KCNK9: variants seen among roughly 807,000 people sequenced by gnomAD.
The protein encoded by KCNK9 is potassium channel subfamily K member 9.
KCNK9 carries 1 observed loss-of-function variant against 10.8 expected under a neutral mutation model. That is an observed-to-expected ratio of 0.09 (90% CI 0.03 to 0.44). The LOEUF (loss-of-function observed/expected upper bound fraction) is 0.44. KCNK9 is among the 20% of genes least tolerant of loss of function. The probability of loss-of-function intolerance (pLI) is 0.97; values close to 1 mark genes in which losing one functional copy is unlikely to be tolerated. For synonymous variants in KCNK9, 231 were observed against 222.7 expected (o/e 1.04, Z -0.33); for missense variants, 303 against 515.0 (o/e 0.59, Z 3.98).
At chr8:139,605,657 A>G (rs1415906811) in intron 2 of KCNK9, among the ~76,000 whole-genome samples, 2 of 152,212 alleles carry the variant, frequency 1.3e-5, no homozygotes, top group East Asian at 1.9e-4. Flanking sequence ...ATTTTAATGG[A>G]AAAAAATTAG....
chr8:139,650,131 C>T (rs1228863181), intron 1 of KCNK9, among the ~76,000 whole-genome samples: 2 of 152,200 alleles, frequency 1.3e-5, no homozygotes, highest in Non-Finnish European at 2.9e-5. Context: ...TGGCTCAAAA[C>T]TCTCCTGGGG....
intron 1 of KCNK9, among the ~76,000 whole-genome samples, chr8:139,700,546 A>ACACACACACACGCGCG (rs1817192367): frequency 8.2e-6 from 1 of 122,434 alleles, no homozygotes; most frequent in South Asian, 2.4e-4. Flanking sequence ...ACACGCGCGC[A>ACACACACACACGCGCG]CACACACACA....
chr8:139,644,723 C>CG (rs373634103), intron 1 of KCNK9, among the ~76,000 whole-genome samples: 104 of 150,366 alleles, frequency 6.9e-4, no homozygotes, highest in Middle Eastern at 3.5e-3. Flanking sequence ...TGTCCCCCCC[C>CG]CCCAGAGCCT....
At chr8:139,679,113 T>A (rs918054344) in intron 1 of KCNK9, among the ~76,000 whole-genome samples, 1 of 152,196 alleles carries the variant, frequency 6.6e-6, no homozygotes, top group East Asian at 1.9e-4. Flanking sequence ...TCTTCCTCAC[T>A]AAGAGAACCC....
intron 1 of KCNK9, among the ~76,000 whole-genome samples, chr8:139,678,797 C>A (rs957309352): frequency 1.3e-5 from 2 of 152,250 alleles, no homozygotes. Context: ...CATTCTCAGA[C>A]CAAGGTCCTA....
At chr8:139,655,857 G>T (rs1816007258) in intron 1 of KCNK9, among the ~76,000 whole-genome samples, 1 of 152,154 alleles carries the variant, frequency 6.6e-6, no homozygotes, top group Non-Finnish European at 1.5e-5. Flanking sequence ...GAGAACTTCT[G>T]CCTACAGCGA....
chr8:139,628,779 T>C lies in KCNK9; in HGVS notation c.284-9680A>G, dbSNP rs190709379. ...ATATAAAATATATTTCTAAAACATA[T>C]GAACTTGCAAAGCACAAATTTCCAA... On this transcript the variant is annotated intron_variant, in intron 1 of 1. Transcript: ENST00000520439. Among the ~76,000 whole-genome samples, 344 of 152,368 alleles carry C rather than the reference T, an allele frequency of 2.3e-3. 1 individual carries two copies. Among genetic ancestry groups the C allele is most frequent in the African/African-American group, 7.6e-3 (315 of 41,582 alleles).
intron 1 of KCNK9, among the ~76,000 whole-genome samples, chr8:139,701,393 C>A (rs372174743): frequency 6.6e-6 from 1 of 152,194 alleles, no homozygotes; most frequent in South Asian, 2.1e-4. Flanking sequence ...AAAGACAGGC[C>A]GTCCTGTGCT....
intron 1 of KCNK9, among the ~76,000 whole-genome samples, chr8:139,674,863 C>T (rs1816514162): frequency 6.6e-6 from 1 of 152,176 alleles, no homozygotes; most frequent in Admixed American, 6.5e-5. Flanking sequence ...CACCTAGAGG[C>T]CAAGTTCCCC....
chr8:139,670,884 T>C (rs77470541), intron 1 of KCNK9, among the ~76,000 whole-genome samples: 5,940 of 152,272 alleles, frequency 0.039, 234 homozygotes, highest in African/African-American at 0.1. Flanking sequence ...TCTGCAGCTC[T>C]AGGATTTGAT....
At chr8:139,651,595 G>T (rs1203414250) in intron 1 of KCNK9, among the ~76,000 whole-genome samples, 3 of 152,342 alleles carry the variant, frequency 2.0e-5, no homozygotes, top group Admixed American at 1.3e-4. Flanking sequence ...GGTGGGGTGA[G>T]ACTGGTGTTG....
At chr8:139,664,873 G>T (rs1816259173) in intron 1 of KCNK9, among the ~76,000 whole-genome samples, 1 of 152,144 alleles carries the variant, frequency 6.6e-6, no homozygotes, top group African/African-American at 2.4e-5. Context: ...GCTGGGTGGG[G>T]CCACCGTGTG....
intron 1 of KCNK9, among the ~76,000 whole-genome samples, chr8:139,680,630 G>A (rs1288946145): frequency 3.9e-5 from 6 of 152,252 alleles, no homozygotes; most frequent in Admixed American, 6.5e-5. Flanking sequence ...TGCTCATGGC[G>A]TTGGGCACTT....
chr8:139,666,653 T>C (rs1339897638), intron 1 of KCNK9, among the ~76,000 whole-genome samples: 3 of 152,244 alleles, frequency 2.0e-5, no homozygotes, highest in Non-Finnish European at 4.4e-5. Flanking sequence ...AGCCCAGCAC[T>C]GTGCATACAG....
intron 1 of KCNK9, among the ~76,000 whole-genome samples, chr8:139,632,453 G>C (rs1647064654): frequency 6.6e-6 from 1 of 152,190 alleles, no homozygotes; most frequent in Non-Finnish European, 1.5e-5. Flanking sequence ...GAAGCAGGTG[G>C]GTTCTAGCAG....
chr8:139,627,973 C>T (rs944626433), intron 1 of KCNK9, among the ~76,000 whole-genome samples: 2 of 152,090 alleles, frequency 1.3e-5, no homozygotes, highest in African/African-American at 4.8e-5. Flanking sequence ...AAAGAGAAGC[C>T]GAAAATATGG....
Position 139,618,128 on chromosome 8 carries a change from AGGAG to A in KCNK9, c.*126_*129del. 1 of 1,305,892 alleles carries A rather than the reference AGGAG, an allele frequency of 7.7e-7. No individual in the cohort carries two copies. The highest frequency in any genetic ancestry group is 1.1e-6 in the Non-Finnish European group (1 of 940,206). The allele number at this position is 1,305,892 out of a possible 1,614,324, so 80.9% of individuals were successfully genotyped here. On this transcript the variant is annotated 3_prime_UTR_variant, in exon 2 of 2. Transcript: ENST00000520439. The surrounding 1 kb of genome is among the most constrained non-coding windows in gnomAD (Gnocchi z 7.9). ...GAAAATGAGACCAAGAGACCAAGAA[AGGAG>A]GAAGGAGAGAAAGTAATAATGATGA...
At position 139,618,686 on chromosome 8, in the gene KCNK9, T is replaced by C. The variant is rs746645314; in HGVS notation, c.697A>G (p.Thr233Ala). 6.2e-7 allele frequency: 1 copy of C among 1,614,188 alleles called. No homozygotes were observed. The highest frequency in any genetic ancestry group is 8.5e-7 in the Non-Finnish European group (1 of 1,180,036). The change falls in exon 2 of 2, where the codon ACG (threonine) becomes GCG (alanine). Residue 233 changes from threonine to alanine, a missense_variant. Physicochemically the swap from Thr to Ala is moderately conservative, Grantham distance 58 (BLOSUM62 0). Coordinates refer to ENST00000520439, the MANE Select transcript of KCNK9 (RefSeq NM_001282534.2). The surrounding 1 kb of genome is among the most constrained non-coding windows in gnomAD (Gnocchi z 7.9). ...FSFMYILVGL[T>A]VIGAFLNLVV... is the part of the protein sequence containing the mutation. ...AGGTTGAGGAAGGCCCCGATGACCGTCAGCCCCACCAGGATATACATAAAG... is the reference window on the plus strand; with the variant it reads ...AGGTTGAGGAAGGCCCCGATGACCGCCAGCCCCACCAGGATATACATAAAG...
At chr8:139,679,365 C>A (rs1453314408) in intron 1 of KCNK9, among the ~76,000 whole-genome samples, 1 of 152,228 alleles carries the variant, frequency 6.6e-6, no homozygotes, top group Non-Finnish European at 1.5e-5. Context: ...GGTGTGGGAA[C>A]TGCACAGGCC....
Sources: allele counts gnomAD v4.1 joint callset (sites outside exome capture counted in the v4.1 genomes callset), GRCh38; gene constraint gnomAD v4.1.1; non-coding constraint Gnocchi (gnomAD v3.1); transcripts MANE v1.5; gene names NCBI Gene and HGNC (gene_info 2026-07-23, HGNC 2026-07-21).